SLC5A11: variants seen among roughly 807,000 people sequenced by gnomAD.
SLC5A11 encodes solute carrier family 5 member 11.
Under a neutral mutation model 69.8 loss-of-function variants are expected in SLC5A11, and 48 were observed. The observed-to-expected ratio is 0.69, with a 90% CI of 0.55 to 0.87. The LOEUF is 0.87. Ranked by LOEUF, SLC5A11 falls within the 40% of genes least tolerant of loss-of-function variation. The pLI is 0.00. For missense variants in SLC5A11, 784 were observed against 866.1 expected (o/e 0.91, Z 1.19); for synonymous variants, 319 against 342.4 (o/e 0.93, Z 0.75).
In SLC5A11 at chr16:24,873,132, C is replaced by T. The variant is rs368617014; in HGVS notation, c.372+913C>T. Among the ~76,000 whole-genome samples, 7 of 133,944 alleles carry T rather than the reference C, an allele frequency of 5.2e-5. No homozygotes were observed. The East Asian group carries it at 9.0e-4, about 17-fold the overall frequency. 87.9% of individuals were successfully genotyped at this position (133,944 alleles called of 152,430 possible). On this transcript the variant is annotated intron_variant, in intron 5 of 15. Coordinates refer to ENST00000347898, the Ensembl canonical transcript of SLC5A11. ...CTGCCTGGGTGACAGAGTGGGACTC[C>T]GTCAGAAGGAAAGGAAAGGAAAGAA...
At chr16:24,856,248 T>C (rs564372334) in intron 1 of SLC5A11, among the ~76,000 whole-genome samples, 156 of 152,008 alleles carry the variant, frequency 1.0e-3, no homozygotes, top group African/African-American at 3.6e-3. Flanking sequence ...CCACCAGACA[T>C]TCATGTGGGC....
chr16:24,901,902 T>A (rs1178666398), intron 10 of SLC5A11, among the ~76,000 whole-genome samples: 1 of 149,400 alleles, frequency 6.7e-6, no homozygotes, highest in Non-Finnish European at 1.5e-5. Flanking sequence ...CTGGGCAACA[T>A]GGCAAGATCC....
chr16:24,872,053 A>G, intron 4 of SLC5A11, 107 bp from the exon 6 acceptor site: 2 of 1,269,464 alleles, frequency 1.6e-6, no homozygotes, highest in Non-Finnish European at 2.3e-6. Context: ...AAGAGACTAC[A>G]CCAGAGGTGG....
intron 8 of SLC5A11, among the ~76,000 whole-genome samples, chr16:24,888,111 C>G (rs72770467): frequency 0.094 from 14,238 of 151,968 alleles, 953 homozygotes; most frequent in South Asian, 0.15. Flanking sequence ...TGGAATCACC[C>G]GCAAAAATTA....
At chr16:24,852,502 A>G (rs1458841048) in intron 1 of SLC5A11, among the ~76,000 whole-genome samples, 3 of 152,120 alleles carry the variant, frequency 2.0e-5, no homozygotes, top group Non-Finnish European at 4.4e-5. Context: ...TTATAACACA[A>G]GCTGCCGTGA....
At chr16:24,889,699 C>G (rs1475603520) in intron 8 of SLC5A11, among the ~76,000 whole-genome samples, 1 of 151,744 alleles carries the variant, frequency 6.6e-6, no homozygotes, top group East Asian at 1.9e-4. Flanking sequence ...AGGCACCCAC[C>G]ACCACGCCTG....
chr16:24,858,473 GGATCTGTCTTCCCTGAA>G (rs1416815800), intron 1 of SLC5A11, 130 bp from the exon 3 acceptor site: 13 of 548,240 alleles, frequency 2.4e-5, no homozygotes, highest in Non-Finnish European at 3.6e-5. Flanking sequence ...ATCGATGGAT[GGATCTGTCTTCCCTGAA>G]GATCTGTCTT....
chr16:24,872,681 T>C lies in SLC5A11; in HGVS notation c.372+462T>C, dbSNP rs976642576. ...ATGCAAGCCACCACACCCAGCTAAT[T>C]TTTGCATTTTTTTTTTAGTAGAAAA... On this transcript the variant is annotated intron_variant, in intron 5 of 15. Transcript: ENST00000347898. 4.2e-5 allele frequency among the ~76,000 whole-genome samples: 6 copies of C among 143,350 alleles called. 1 individual carries two copies. The highest frequency in any genetic ancestry group is 2.8e-4 in the Admixed American group (4 of 14,362). 94.0% of individuals were successfully genotyped at this position (143,350 alleles called of 152,430 possible).
chr16:24,848,413 C>T (rs1283077175), intron 1 of SLC5A11, among the ~76,000 whole-genome samples: 2 of 151,940 alleles, frequency 1.3e-5, no homozygotes, highest in Non-Finnish European at 2.9e-5. Flanking sequence ...GTTTGAGACC[C>T]GTCTGGGCAA....
At chr16:24,876,269 T>C (rs1189807238) in intron 6 of SLC5A11, among the ~76,000 whole-genome samples, 1 of 151,888 alleles carries the variant, frequency 6.6e-6, no homozygotes. Flanking sequence ...CTTTCTCTCC[T>C]ACTCCTGCCA....
chr16:24,849,194 G>A (rs2152183259), intron 1 of SLC5A11, among the ~76,000 whole-genome samples: 1 of 152,276 alleles, frequency 6.6e-6, no homozygotes, highest in South Asian at 2.1e-4. Context: ...AGTGAGGTGG[G>A]GAAGACTGGA....
chr16:24,905,638 GCGCACACACACACACACACA>G (rs1407259267), intron 10 of SLC5A11, among the ~76,000 whole-genome samples: 17 of 70,312 alleles, frequency 2.4e-4, no homozygotes, highest in African/African-American at 7.4e-4. Context: ...ACGCGCGCGC[GCGCACACACACACACACACA>G]CACACACACA....
chr16:24,868,320 G>A (rs569725460), intron 3 of SLC5A11, among the ~76,000 whole-genome samples: 4 of 151,306 alleles, frequency 2.6e-5, no homozygotes, highest in South Asian at 2.1e-4. Context: ...GCCAGGTGTG[G>A]TGGCTCATGC....
rs752477219 is a variant in SLC5A11, at chr16:24,883,369, AAAAT to A, written c.584-667_584-664del. On this transcript the variant is annotated intron_variant, in intron 7 of 15. Transcript: ENST00000347898. ...TGACAGAGTGAGACCCTGGCTCTAA[AAAAT>A]AAATAAATAAATAATAAATAACTAA... Among the ~76,000 whole-genome samples the A allele has an allele frequency of 3.5e-3, 540 of 152,280 alleles. 14 individuals carry two copies. The highest frequency in any genetic ancestry group is 1.2e-3 in the Non-Finnish European group (81 of 68,008).
chr16:24,862,287 G>A (rs557664872), intron 2 of SLC5A11, among the ~76,000 whole-genome samples: 18 of 152,256 alleles, frequency 1.2e-4, no homozygotes, highest in Middle Eastern at 3.4e-3. Flanking sequence ...TCAATAAATG[G>A]TATCAGTTAT....
chr16:24,886,731 T>C (rs2048426374), intron 8 of SLC5A11, among the ~76,000 whole-genome samples: 1 of 152,128 alleles, frequency 6.6e-6, no homozygotes, highest in Non-Finnish European at 1.5e-5. Context: ...GGAAGATCAT[T>C]TGAGGCCAGT....
intron 8 of SLC5A11, among the ~76,000 whole-genome samples, chr16:24,885,372 T>C (rs541185269): frequency 1.7e-4 from 24 of 143,834 alleles, no homozygotes; most frequent in Admixed American, 1.4e-3. Context: ...AAAGGCCGAG[T>C]GTGGTGGCTC....
intron 9 of SLC5A11, among the ~76,000 whole-genome samples, chr16:24,895,629 C>G (rs1020489085): frequency 1.4e-4 from 20 of 141,342 alleles, no homozygotes; most frequent in Non-Finnish European, 2.7e-4. Flanking sequence ...GGGAAGGGAC[C>G]CCTCAGTTGG....
chr16:24,906,938 AGGTTCTGCCTCC>A, intron 11 of SLC5A11, 75 bp from the exon 13 acceptor site: 1 of 1,547,650 alleles, frequency 6.5e-7, no homozygotes, highest in East Asian at 2.3e-5. Context: ...GTCCTCCCTG[AGGTTCTGCCTCC>A]TCCAGTTGAG....
Sources: allele counts gnomAD v4.1 joint callset (sites outside exome capture counted in the v4.1 genomes callset), GRCh38; gene constraint gnomAD v4.1.1; transcripts MANE v1.5; gene names NCBI Gene and HGNC (gene_info 2026-07-23, HGNC 2026-07-21).